Variants in PM20D2 observed in about 807,000 individuals in gnomAD.
The protein encoded by PM20D2 is xaa-Arg dipeptidase.
In PM20D2, 33 loss-of-function variants were observed where a neutral mutation model predicts 42.9. The ratio of observed to expected loss-of-function variants is 0.77; its 90% CI spans 0.58 to 1.03. The LOEUF is 1.03. Among genes scored for constraint, PM20D2 ranks in the 50% least tolerant of loss-of-function variants. The probability of loss-of-function intolerance (pLI) is 0.00; values close to 1 mark genes in which losing one functional copy is unlikely to be tolerated. For synonymous variants in PM20D2, 250 were observed against 228.2 expected (o/e 1.10, Z -0.86); for missense variants, 548 against 557.0 (o/e 0.98, Z 0.16).
chr6:89,124,487 A>C, the PM20D2 span, among the ~76,000 whole-genome samples: 1 of 152,166 alleles, frequency 6.6e-6, no homozygotes, highest in African/African-American at 2.4e-5. Flanking sequence ...AGTATGGAGG[A>C]TATAATGGAA....
chr6:89,135,833 G>A, the PM20D2 span, among the ~76,000 whole-genome samples: 109,502 of 150,728 alleles, frequency 0.73, 40,484 homozygotes, highest in East Asian at 0.8. Flanking sequence ...CTCCTTAACA[G>A]TTTTACATAT....
At chr6:89,106,643 G>A in the PM20D2 span, 1 of 162,538 alleles carries the variant, frequency 6.2e-6, no homozygotes, top group Non-Finnish European at 1.4e-5. Context: ...AACAGAAAAA[G>A]CTCAAGATAC....
the PM20D2 span, chr6:89,107,189 G>A: frequency 1.2e-6 from 2 of 1,614,056 alleles, no homozygotes; most frequent in Middle Eastern, 1.6e-4. Flanking sequence ...GGCGAGTGTA[G>A]AAGTCAAGTG....
the PM20D2 span, among the ~76,000 whole-genome samples, chr6:89,104,627 A>AG: frequency 6.6e-6 from 1 of 152,200 alleles, no homozygotes; most frequent in Non-Finnish European, 1.5e-5. Flanking sequence ...CTTTAACAGA[A>AG]GAATTAATCC....
At chr6:89,096,165 ATTTC>A in the PM20D2 span, 1 of 152,058 alleles carries the variant, frequency 6.6e-6, no homozygotes, top group East Asian at 1.9e-4. Context: ...CTATTCTCTC[ATTTC>A]TTTCTAAACA....
upstream of PM20D2, among the ~76,000 whole-genome samples, chr6:89,142,491 C>CCAA (rs1770356934): frequency 6.6e-6 from 1 of 152,096 alleles, no homozygotes; most frequent in Non-Finnish European, 1.5e-5. Context: ...TGCTGTAGTT[C>CCAA]CAAGTATTGT....
At chr6:89,147,744 T>A (rs923814791) in intron 1 of PM20D2, among the ~76,000 whole-genome samples, 5 of 136,292 alleles carry the variant, frequency 3.7e-5, no homozygotes, top group Admixed American at 2.9e-4. Context: ...AAAAAAAAAA[T>A]TAGCTGGGCG....
the PM20D2 span, among the ~76,000 whole-genome samples, chr6:89,127,986 T>C: frequency 6.6e-6 from 1 of 152,246 alleles, no homozygotes; most frequent in Admixed American, 6.5e-5. Context: ...AGTGTGATAA[T>C]TGTGTTAACT....
At chr6:89,144,295 A>C (rs1315056245), upstream of PM20D2, among the ~76,000 whole-genome samples, 2 of 152,178 alleles carry the variant, frequency 1.3e-5, no homozygotes, top group Non-Finnish European at 2.9e-5. Flanking sequence ...AATTATATGC[A>C]TCCCTTTTCT....
At chr6:89,136,685 AAAAT>A in the PM20D2 span, among the ~76,000 whole-genome samples, 7 of 151,142 alleles carry the variant, frequency 4.6e-5, no homozygotes, top group African/African-American at 1.7e-4. Context: ...CTCAAAAAAA[AAAAT>A]TTCTAACCAG....
At chr6:89,139,462 C>T in the PM20D2 span, among the ~76,000 whole-genome samples, 1 of 152,186 alleles carries the variant, frequency 6.6e-6, no homozygotes, top group African/African-American at 2.4e-5. Context: ...CATTCTCCTG[C>T]CTCAGCCTCC....
the PM20D2 span, among the ~76,000 whole-genome samples, chr6:89,127,298 C>G: frequency 2.0e-5 from 3 of 150,210 alleles, no homozygotes; most frequent in Non-Finnish European, 4.4e-5. Flanking sequence ...ATATGCTCTT[C>G]TGAAGGAAGT....
chr6:89,165,251 C>G lies in PM20D2; in HGVS notation c.*2988C>G, dbSNP rs1456347301. 2.0e-5 allele frequency: 3 copies of G among 151,746 alleles called. No homozygotes were observed. The highest frequency in any genetic ancestry group is 4.4e-5 in the Non-Finnish European group (3 of 67,950). The allele number at this position is 151,746 out of a possible 1,614,324, so 9.4% of individuals were successfully genotyped here. A position where few individuals can be genotyped will look rare whatever the true frequency, so the allele number is the denominator to read the frequency against. ...TTTTTACCTGAGTTATCTCTTTAGT[C>G]TTTTGGAAAATACCCTACACAATAC... is the stretch of plus-strand genomic sequence containing the variant. On this transcript the variant is annotated 3_prime_UTR_variant, in exon 7 of 7. Transcript: ENST00000275072.
At chr6:89,124,792 G>A in the PM20D2 span, among the ~76,000 whole-genome samples, 2 of 147,510 alleles carry the variant, frequency 1.4e-5, no homozygotes, top group African/African-American at 5.1e-5. Context: ...CTGGAGTGCA[G>A]TGGTGCAGTC....
rs1770563909 is a variant in PM20D2 at position 89,146,520 on chromosome 6, C to G, written c.376C>G (p.His126Asp). Residue 126 changes from histidine (H) to aspartate (D), a missense_variant, in exon 1 of 7, where the codon CAC becomes GAC. By Grantham distance (81) the His-to-Asp change is moderately conservative (BLOSUM62 -1). This residue lies in a region of PM20D2 where 470 missense variants were observed against 464.4 expected (regional missense o/e 1.01). Transcript: ENST00000275072. ...ALPGIGHACGHNLIAEVGAAA... is the reference protein window; with the variant it reads ...ALPGIGHACGDNLIAEVGAAA... ...GCCCGGCATCGGCCACGCCTGCGGC[C>G]ACAACCTCATCGCTGAGGTCGGGGC... 2 of 1,515,576 alleles carry G rather than the reference C, an allele frequency of 1.3e-6. No homozygotes were observed. The allele number at this position is 1,515,576 out of a possible 1,614,324, so 93.9% of individuals were successfully genotyped here. A position where few individuals can be genotyped will look rare whatever the true frequency, so the allele number is the denominator to read the frequency against.
the PM20D2 span, among the ~76,000 whole-genome samples, chr6:89,115,999 C>T: frequency 1.3e-5 from 2 of 152,196 alleles, no homozygotes; most frequent in Non-Finnish European, 2.9e-5. Flanking sequence ...CATACAAAAT[C>T]CAGATTTCTG....
chr6:89,160,822 T>C (rs1771208533), intron 5 of PM20D2, among the ~76,000 whole-genome samples: 1 of 152,214 alleles, frequency 6.6e-6, no homozygotes, highest in Admixed American at 6.5e-5. Flanking sequence ...GAAATGATGC[T>C]TAAGATGGAA....
chr6:89,155,618 T>C (rs1771019029), intron 4 of PM20D2, among the ~76,000 whole-genome samples: 6 of 152,136 alleles, frequency 3.9e-5, no homozygotes, highest in Admixed American at 3.9e-4. Context: ...AGTTAGGGTG[T>C]GTATAGTAGT....
At chr6:89,117,911 G>A in the PM20D2 span, 1 of 1,555,040 alleles carries the variant, frequency 6.4e-7, no homozygotes, top group South Asian at 1.2e-5. Flanking sequence ...GTTCCCTCCG[G>A]GTCTGCCCGC....
Sources: gnomAD v4.1 joint callset for allele counts (sites outside exome capture counted in the v4.1 genomes callset) on GRCh38, gnomAD v4.1.1 for gene constraint, gnomAD v4.1.1 regional missense constraint, MANE v1.5 for transcripts, NCBI Gene and HGNC (gene_info 2026-07-23, HGNC 2026-07-21) for gene names.